Variants in SCAP observed in about 807,000 individuals in gnomAD.
The protein encoded by SCAP is sterol regulatory element-binding protein cleavage-activating protein.
SCAP carries 65 observed loss-of-function variants against 123.6 expected under a neutral mutation model. The observed-to-expected ratio is 0.53, with a 90% CI of 0.43 to 0.65. The LOEUF is 0.65. Ranked by LOEUF, SCAP falls within the 30% of genes least tolerant of loss-of-function variation. SCAP has a pLI of 0.00. For missense variants in SCAP, 1,398 were observed against 1,712.5 expected, an observed-to-expected ratio of 0.82 and a Z score of 3.24; for synonymous variants, 740 against 726.3, an observed-to-expected ratio of 1.02 and a Z score of -0.30.
chr3:47,452,383 G>C (rs2107958370), intron 1 of SCAP, among the ~76,000 whole-genome samples: 1 of 152,232 alleles, frequency 6.6e-6, no homozygotes, highest in East Asian at 1.9e-4. Context: ...TGTTGAATAA[G>C]TGATGAACAA....
intron 1 of SCAP, chr3:47,443,396 C>T (rs542397949): frequency 3.1e-5 from 6 of 192,892 alleles, no homozygotes; most frequent in Non-Finnish European, 6.6e-5. Context: ...GTGTGGCACA[C>T]GAAACCATGC....
intron 4 of SCAP, among the ~76,000 whole-genome samples, chr3:47,428,287 A>G (rs1328345633): frequency 1.3e-5 from 2 of 152,132 alleles, no homozygotes; most frequent in African/African-American, 2.4e-5. Context: ...AGATGTAAGG[A>G]TGAGACTCAA....
At chr3:47,454,300 G>A (rs928223605) in intron 1 of SCAP, among the ~76,000 whole-genome samples, 4 of 151,506 alleles carry the variant, frequency 2.6e-5, no homozygotes. Context: ...CCCGGGGGAC[G>A]GAGCCTGCAG....
intron 1 of SCAP, among the ~76,000 whole-genome samples, chr3:47,473,588 C>A (rs1017303043): frequency 2.6e-5 from 4 of 152,116 alleles, no homozygotes; most frequent in Non-Finnish European, 5.9e-5. Context: ...ATATGAAGTA[C>A]CTGTCAGAGC....
intron 1 of SCAP, among the ~76,000 whole-genome samples, chr3:47,451,382 G>A (rs1425681136): frequency 2.1e-5 from 2 of 96,454 alleles, no homozygotes. Flanking sequence ...TATTCAAACA[G>A]TCCTGGAATG....
intron 4 of SCAP, 102 bp from the exon 5 acceptor site, chr3:47,427,769 T>C: frequency 9.5e-7 from 1 of 1,048,954 alleles, no homozygotes; most frequent in Admixed American, 2.4e-5. Context: ...TGCCCCATAT[T>C]TGCTCTCTGG....
chr3:47,435,473 C>CACAT (rs1706539863), intron 2 of SCAP, among the ~76,000 whole-genome samples: 1 of 83,808 alleles, frequency 1.2e-5, no homozygotes, highest in Non-Finnish European at 3.0e-5. Context: ...TAAACATACA[C>CACAT]ACACACACAC....
intron 1 of SCAP, among the ~76,000 whole-genome samples, chr3:47,474,443 A>G (rs1708190455): frequency 6.6e-6 from 1 of 152,124 alleles, no homozygotes; most frequent in South Asian, 2.1e-4. Flanking sequence ...GCTCAGTGGG[A>G]ATACTGCAAA....
chr3:47,442,790 A>C, intron 2 of SCAP, 82 bp downstream of exon 2: 2 of 1,283,570 alleles, frequency 1.6e-6, no homozygotes, highest in Non-Finnish European at 2.2e-6. Flanking sequence ...ACAGAGGCCA[A>C]GGGCTCCATA....
rs971052146 is a variant in SCAP at position 47,472,452 on chromosome 3, AT to A, written c.-99+3346del. ...CGAGACTCCGTCTCAAAAAAAAAAA[AT>A]AAAATAAAATAATAATAATAATAAT... On this transcript the variant is annotated intron_variant, in intron 1 of 22. Coordinates refer to ENST00000265565, the MANE Select transcript of SCAP (RefSeq NM_012235.4). Among the ~76,000 whole-genome samples, 10 of 35,436 alleles carry A rather than the reference AT, an allele frequency of 2.8e-4. No individual in the cohort carries two copies. In the South Asian group the frequency reaches 9.4e-3, roughly 33 times the overall value. 23.2% of individuals were successfully genotyped at this position (35,436 alleles called of 152,430 possible).
Position 47,427,661 on chromosome 3 carries a change from C to G in SCAP, c.417G>C (p.Gly139=). 1 of 1,613,790 alleles carries G rather than the reference C, an allele frequency of 6.2e-7. No homozygotes were observed. The highest frequency in any genetic ancestry group is 1.7e-5 in the Admixed American group (1 of 60,018). The change falls in exon 5 of 23, where the codon GGG becomes GGC. Residue 139 remains glycine (G), a synonymous_variant. Coordinates refer to ENST00000265565, the MANE Select transcript of SCAP (RefSeq NM_012235.4). ...GACACAACTCCTCCAAGCTCCTGAT[C>G]CCAGAGCTGCACAGGAGACAGGACA... is the stretch of plus-strand genomic sequence containing the variant. ...IRNHVLRDSS[G]IRSLEELCLQ... is the part of the protein sequence containing the mutation.
intron 2 of SCAP, 53 bp downstream of exon 2, chr3:47,442,819 C>A (rs1175965685): frequency 6.5e-7 from 1 of 1,548,384 alleles, no homozygotes; most frequent in Non-Finnish European, 8.9e-7. Context: ...GGTTAGAAAA[C>A]CTACTGTCCT....
chr3:47,421,791 C>T (rs1197937422), intron 10 of SCAP, among the ~76,000 whole-genome samples: 5 of 151,986 alleles, frequency 3.3e-5, no homozygotes, highest in South Asian at 4.1e-4. Flanking sequence ...GGGGGAAAGA[C>T]GGGCGAGAAA....
chr3:47,415,055 G>A (rs775196436), intron 19 of SCAP, 43 bp downstream of exon 19: 113 of 1,581,166 alleles, frequency 7.1e-5, no homozygotes, highest in Admixed American at 4.2e-4. Flanking sequence ...GCCCCTGCCC[G>A]TCCCACCAAG....
chr3:47,465,785 T>C (rs142726759), intron 1 of SCAP, among the ~76,000 whole-genome samples: 4 of 149,052 alleles, frequency 2.7e-5, no homozygotes, highest in African/African-American at 9.9e-5. Flanking sequence ...AAAAAAAGAA[T>C]ATTGTCTTCC....
intron 8 of SCAP, 102 bp downstream of exon 8, chr3:47,425,383 G>T: frequency 7.9e-7 from 1 of 1,264,322 alleles, no homozygotes; most frequent in Non-Finnish European, 1.1e-6. Context: ...ATGTGAAGAC[G>T]TGAGGTCACA....
chr3:47,415,292 G>A (rs1192041755), intron 18 of SCAP, 112 bp from the exon 19 acceptor site: 4 of 952,464 alleles, frequency 4.2e-6, no homozygotes, highest in Non-Finnish European at 6.1e-6. Context: ...GGAGGGACAT[G>A]GCCAAGAGGA....
At chr3:47,421,367 C>A (rs1705892979) in intron 10 of SCAP, 9 of 274,326 alleles carry the variant, frequency 3.3e-5, no homozygotes, top group Non-Finnish European at 5.8e-5. Flanking sequence ...CCCAAAAAGT[C>A]CTTCCCCACT....
chr3:47,424,559 T>C (rs941016708), intron 8 of SCAP, among the ~76,000 whole-genome samples: 1 of 152,214 alleles, frequency 6.6e-6, no homozygotes, highest in African/African-American at 2.4e-5. Flanking sequence ...CTGAGCCCAC[T>C]GTCCCACACT....
Sources: allele counts gnomAD v4.1 joint callset (sites outside exome capture counted in the v4.1 genomes callset), GRCh38; gene constraint gnomAD v4.1.1; transcripts MANE v1.5; gene names NCBI Gene and HGNC (gene_info 2026-07-23, HGNC 2026-07-21).